Variants in SPG11 observed in about 807,000 individuals in gnomAD.
SPG11 encodes spatacsin.
Under a neutral mutation model 274.0 loss-of-function variants are expected in SPG11, and 222 were observed. The observed-to-expected ratio is 0.81, with a 90% CI of 0.73 to 0.91. SPG11 has a LOEUF of 0.91. Ranked by LOEUF, SPG11 falls within the 40% of genes least tolerant of loss-of-function variation. SPG11 has a pLI of 0.00. For synonymous variants in SPG11, 1,144 were observed against 1,039.7 expected, an observed-to-expected ratio of 1.10 and a Z score of -1.93; for missense variants, 3,114 against 2,872.7, an observed-to-expected ratio of 1.08 and a Z score of -1.92.
rs375729291 is a variant in SPG11 at position 44,622,278 on chromosome 15, C to T, written c.2386G>A (p.Val796Ile). 4 of 1,604,512 alleles carry T rather than the reference C, an allele frequency of 2.5e-6. No individual in the cohort carries two copies. In the Middle Eastern group the frequency reaches 5.0e-4, roughly 199 times the overall value. The change falls in exon 13 of 40, where the codon GTT becomes ATT. Residue 796 changes from valine to isoleucine, a missense_variant. By Grantham distance (29) the Val-to-Ile change is conservative. Coordinates refer to ENST00000261866, the MANE Select transcript of SPG11 (RefSeq NM_025137.4). ...AAATGTCCCAAATAAAGCTTCTCAA[C>T]TTGATGCACGAAGTCTATAGTTCTT... ...EKRTIDFVHQVEKLYLGHFQE... is the reference protein window; with the variant it reads ...EKRTIDFVHQIEKLYLGHFQE...
At chr15:44,662,463 C>T (rs1202811419) in intron 1 of SPG11, among the ~76,000 whole-genome samples, 2 of 151,826 alleles carry the variant, frequency 1.3e-5, no homozygotes, top group African/African-American at 2.4e-5. Flanking sequence ...AGCCCAGGAG[C>T]TTGAGACTAG....
chr15:44,656,085 G>T (rs1292328071), intron 4 of SPG11, among the ~76,000 whole-genome samples: 1 of 152,094 alleles, frequency 6.6e-6, no homozygotes, highest in Non-Finnish European at 1.5e-5. Context: ...ACAGAGGGAT[G>T]GGCCTTCATA....
At chr15:44,642,029 A>G (rs1219293397) in intron 7 of SPG11, among the ~76,000 whole-genome samples, 1 of 152,010 alleles carries the variant, frequency 6.6e-6, no homozygotes, top group Admixed American at 6.6e-5. Context: ...AGTTATATAC[A>G]TTAAACATGG....
intron 31 of SPG11, among the ~76,000 whole-genome samples, chr15:44,574,556 C>A (rs929361522): frequency 1.2e-4 from 19 of 152,182 alleles, no homozygotes. Context: ...TCATCACATT[C>A]CATATGGAAT....
chr15:44,629,306 A>G lies in SPG11; in HGVS notation c.1818T>C (p.Phe606=), dbSNP rs770547470. ...ESYSEPQSKH[F]SEQLLNLTLS... is the part of the protein sequence containing the mutation. ...GTGTAAGATTAAGCAATTGTTCTGA[A>G]AAGTGTTTGCTTTGGGGTTCAGAAT... The change falls in exon 9 of 40, where the codon TTT becomes TTC. Residue 606 remains phenylalanine (F), a synonymous_variant. Transcript: ENST00000261866. 1.7e-5 allele frequency: 27 copies of G among 1,614,158 alleles called. 1 individual carries two copies. The South Asian group carries it at 2.9e-4, about 17-fold the overall frequency.
At chr15:44,584,906 G>A (rs1016617185) in intron 29 of SPG11, among the ~76,000 whole-genome samples, 2 of 152,178 alleles carry the variant, frequency 1.3e-5, no homozygotes, top group Non-Finnish European at 2.9e-5. Context: ...TGGGATTATA[G>A]GCATGAGCCA....
chr15:44,571,571 C>T (rs1022971460), intron 33 of SPG11, among the ~76,000 whole-genome samples: 7 of 148,426 alleles, frequency 4.7e-5, no homozygotes, highest in Non-Finnish European at 8.9e-5. Flanking sequence ...CATCTCCACT[C>T]ACTGCGAGCT....
chr15:44,613,976 C>T (rs892158233), intron 16 of SPG11, among the ~76,000 whole-genome samples: 13 of 151,958 alleles, frequency 8.6e-5, no homozygotes, highest in South Asian at 4.1e-4. Flanking sequence ...CCTAGGAGTT[C>T]GAGGCTGCAA....
chr15:44,614,913 C>T (rs544289978), intron 16 of SPG11, among the ~76,000 whole-genome samples: 2 of 152,286 alleles, frequency 1.3e-5, no homozygotes, highest in Admixed American at 6.5e-5. Context: ...GTATTGCTCT[C>T]TCTTTCTCTG....
At chr15:44,636,670 C>CA (rs922916314) in intron 7 of SPG11, among the ~76,000 whole-genome samples, 2 of 150,562 alleles carry the variant, frequency 1.3e-5, no homozygotes, top group African/African-American at 4.9e-5. Flanking sequence ...TCAAAAAAAA[C>CA]AAAAAAACAA....
At position 44,628,827 on chromosome 15, in the gene SPG11, G is replaced by A. The variant is rs1310672924; in HGVS notation, c.1909C>T (p.Gln637Ter). The A allele has an allele frequency of 6.2e-7, 1 of 1,613,172 alleles. No homozygotes were observed. Among genetic ancestry groups the A allele is most frequent in the South Asian group, 1.1e-5 (1 of 91,072 alleles). The change falls in exon 10 of 40, where the codon CAA becomes TAA. Residue 637 changes from glutamine (Q) to a stop codon, truncating the protein, a stop_gained. Transcript: ENST00000261866. LOFTEE classifies it high-confidence loss of function. ...CTAGTCAAAATGTTCACTCCTTTTT[G>A]CAGATGTTCATCTAGTTCTATGGAA... is the stretch of plus-strand genomic sequence containing the variant. ...IHTEELDEHL[Q>*]KGVNILTSYI...
At chr15:44,579,154 T>C (rs1332095574) in intron 30 of SPG11, among the ~76,000 whole-genome samples, 1 of 150,682 alleles carries the variant, frequency 6.6e-6, no homozygotes, top group Non-Finnish European at 1.5e-5. Flanking sequence ...TGAGACTCCA[T>C]CTCGAAAAAC....
chr15:44,578,652 A>ACTAGGTGG (rs1386856892), intron 30 of SPG11, among the ~76,000 whole-genome samples: 1 of 152,198 alleles, frequency 6.6e-6, no homozygotes. Context: ...CAGATTGACC[A>ACTAGGTGG]CTAGGTGGCG....
intron 10 of SPG11, among the ~76,000 whole-genome samples, chr15:44,627,715 G>A (rs541326011): frequency 1.6e-4 from 24 of 151,750 alleles, no homozygotes; most frequent in African/African-American, 2.9e-4. Flanking sequence ...TCAGCCTCCC[G>A]AGTAGCTGGG....
chr15:44,651,859 AAC>A lies in SPG11; in HGVS notation c.1086_1087del (p.Trp362CysfsTer11). The A allele has an allele frequency of 6.2e-7, 1 of 1,613,880 alleles. No individual in the cohort carries two copies. Among genetic ancestry groups the A allele is most frequent in the Non-Finnish European group, 8.5e-7 (1 of 1,179,856 alleles). ...TGACTCCAAATGCAAAATATCCTGG[AAC>A]CATGGAGCACAACAGGAAACCTCCA... is the stretch of plus-strand genomic sequence containing the variant. On this transcript the variant is annotated frameshift_variant, in exon 6 of 40. Transcript: ENST00000261866. LOFTEE classifies it high-confidence loss of function.
Position 44,584,613 on chromosome 15 carries a change from A to T in SPG11, c.5122-55T>A. 3 of 1,581,088 alleles carry T rather than the reference A, an allele frequency of 1.9e-6. No individual in the cohort carries two copies. In the South Asian group the frequency reaches 3.3e-5, roughly 18 times the overall value. On this transcript the variant is annotated intron_variant, in intron 29 of 39. Transcript: ENST00000261866. ...CTTTCTTGGATAAAAAAGTATCATA[A>T]ATGCTAATGTTCCCTAAGTATATCA...
intron 15 of SPG11, among the ~76,000 whole-genome samples, chr15:44,616,207 CTTT>C (rs534285308): frequency 7.2e-6 from 1 of 138,160 alleles, no homozygotes; most frequent in South Asian, 2.3e-4. Context: ...CATTCCCATA[CTTT>C]TTTTTTTTTT....
At chr15:44,650,393 C>T (rs1267355000) in intron 6 of SPG11, among the ~76,000 whole-genome samples, 6 of 152,022 alleles carry the variant, frequency 3.9e-5, no homozygotes, top group African/African-American at 1.4e-4. Context: ...GTTGCTCACA[C>T]CTGTAATCCC....
At chr15:44,652,106 A>T in intron 5 of SPG11, 23 bp downstream of exon 5, 1 of 1,613,784 alleles carries the variant, frequency 6.2e-7, no homozygotes, top group Non-Finnish European at 8.5e-7. Context: ...ACAATAAACT[A>T]CATGAAAAGG....
Sources: allele counts gnomAD v4.1 joint callset (sites outside exome capture counted in the v4.1 genomes callset), GRCh38; gene constraint gnomAD v4.1.1; transcripts MANE v1.5; gene names NCBI Gene and HGNC (gene_info 2026-07-23, HGNC 2026-07-21).